The following PCA3 variants were observed in gnomAD, a reference collection of about 807,000 sequenced individuals.
PCA3 encodes prostate cancer associated 3, also known as Differential Display code 3.
intron 2 of PCA3, among the ~76,000 whole-genome samples, chr9:76,766,182 CA>C (rs35059224): frequency 0.12 from 13,722 of 112,304 alleles, 1,712 homozygotes; most frequent in African/African-American, 0.37. Flanking sequence ...GACTCTGCCT[CA>C]AAAAAAAAAA....
chr9:76,779,926 T>C (rs2054189368), intron 2 of PCA3: 1 of 152,228 alleles, frequency 6.6e-6, no homozygotes. Context: ...GCATAAGGGC[T>C]GCTGGTAAAA....
chr9:76,780,273 A>C (rs965937855), intron 2 of PCA3, among the ~76,000 whole-genome samples: 1 of 152,164 alleles, frequency 6.6e-6, no homozygotes, highest in Non-Finnish European at 1.5e-5. Flanking sequence ...GCACTCCCCC[A>C]ACAATTGAGA....
chr9:76,767,038 A>C (rs2052478758), intron 2 of PCA3, among the ~76,000 whole-genome samples: 1 of 152,168 alleles, frequency 6.6e-6, no homozygotes, highest in Admixed American at 6.5e-5. Flanking sequence ...TGTCTTATTC[A>C]CTGCTGTATT....
chr9:76,768,050 G>C (rs984743324), intron 2 of PCA3, among the ~76,000 whole-genome samples: 4 of 152,152 alleles, frequency 2.6e-5, no homozygotes, highest in African/African-American at 7.2e-5. Context: ...AGGTCAGAGG[G>C]AGTCCTGTCA....
At chr9:76,764,911 C>T (rs991215402) in intron 2 of PCA3, among the ~76,000 whole-genome samples, 1 of 152,098 alleles carries the variant, frequency 6.6e-6, no homozygotes, top group African/African-American at 2.4e-5. Flanking sequence ...CAGACTCTGG[C>T]ACATAGAAGA....
chr9:76,781,234 C>A (rs2054356575), intron 2 of PCA3, among the ~76,000 whole-genome samples: 1 of 152,156 alleles, frequency 6.6e-6, no homozygotes, highest in South Asian at 2.1e-4. Flanking sequence ...ACATCCCTAT[C>A]CTTTTTATAA....
intron 2 of PCA3, among the ~76,000 whole-genome samples, chr9:76,767,112 C>G (rs927476733): frequency 1.3e-5 from 2 of 152,154 alleles, no homozygotes; most frequent in Admixed American, 6.5e-5. Context: ...TAAACTCTCT[C>G]TCCTCTACTG....
intron 2 of PCA3, among the ~76,000 whole-genome samples, chr9:76,781,655 T>C (rs2054409052): frequency 6.6e-6 from 1 of 152,240 alleles, no homozygotes; most frequent in Non-Finnish European, 1.5e-5. Context: ...TACATTTATA[T>C]GCATGATTAC....
At chr9:76,771,944 C>T (rs565260833) in intron 2 of PCA3, among the ~76,000 whole-genome samples, 8 of 152,280 alleles carry the variant, frequency 5.3e-5, no homozygotes, top group African/African-American at 1.9e-4. Context: ...ACACTAATGG[C>T]GTGGGACTCA....
intron 2 of PCA3, among the ~76,000 whole-genome samples, chr9:76,768,509 C>A (rs1287919047): frequency 6.6e-6 from 1 of 151,680 alleles, no homozygotes; most frequent in Non-Finnish European, 1.5e-5. Context: ...CAACAACTAT[C>A]AAGTCTGTCT....
intron 2 of PCA3, among the ~76,000 whole-genome samples, chr9:76,765,912 G>A (rs1052374790): frequency 6.6e-6 from 1 of 152,146 alleles, no homozygotes; most frequent in Non-Finnish European, 1.5e-5. Flanking sequence ...GCCAGACGCG[G>A]TGGCTCACGC....
At chr9:76,781,869 G>C (rs1044429736) in intron 2 of PCA3, among the ~76,000 whole-genome samples, 2 of 152,174 alleles carry the variant, frequency 1.3e-5, no homozygotes, top group Admixed American at 1.3e-4. Context: ...AATGAATGGA[G>C]ATGTTGGAGT....
chr9:76,776,518 C>CTTTTTT (rs796197139), intron 2 of PCA3, among the ~76,000 whole-genome samples: 2 of 122,842 alleles, frequency 1.6e-5, no homozygotes, highest in African/African-American at 3.0e-5. Flanking sequence ...TTTCTTTTTT[C>CTTTTTT]TTTTTTTTTT....
chr9:76,780,286 T>G (rs1031254892), intron 2 of PCA3, among the ~76,000 whole-genome samples: 1 of 152,098 alleles, frequency 6.6e-6, no homozygotes, highest in Non-Finnish European at 1.5e-5. Flanking sequence ...AATTGAGAAT[T>G]GAACAAATTT....
intron 2 of PCA3, among the ~76,000 whole-genome samples, chr9:76,774,427 C>G (rs575105338): frequency 1.5e-5 from 2 of 135,786 alleles, no homozygotes; most frequent in African/African-American, 6.4e-5. Context: ...CATGAGCCAT[C>G]GTTCCTGGCC....
At chr9:76,776,941 C>CACACACAG (rs1564280230) in intron 2 of PCA3, among the ~76,000 whole-genome samples, 1 of 144,898 alleles carries the variant, frequency 6.9e-6, no homozygotes, top group Non-Finnish European at 1.5e-5. Flanking sequence ...CACACACACA[C>CACACACAG]ACACAAAGGG....
intron 2 of PCA3, among the ~76,000 whole-genome samples, chr9:76,774,468 T>TATTTATTTA (rs1564272983): frequency 2.8e-5 from 4 of 144,530 alleles, no homozygotes; most frequent in African/African-American, 1.0e-4. Flanking sequence ...TTTTTTTTTT[T>TATTTATTTA]TTTTTTTTTG....
At chr9:76,769,656 A>G (rs1211539939) in intron 2 of PCA3, among the ~76,000 whole-genome samples, 3 of 152,148 alleles carry the variant, frequency 2.0e-5, no homozygotes, top group Non-Finnish European at 4.4e-5. Flanking sequence ...AACTCCCGAC[A>G]TCAGGTGATC....
At chr9:76,780,692 A>AAAACAAAC (rs140032621) in intron 2 of PCA3, among the ~76,000 whole-genome samples, 73 of 152,072 alleles carry the variant, frequency 4.8e-4, no homozygotes, top group African/African-American at 1.5e-3. Flanking sequence ...CTCCGTCTCA[A>AAAACAAAC]AAACAAACAA....
Sources: allele counts gnomAD v4.1 joint callset (sites outside exome capture counted in the v4.1 genomes callset), GRCh38; gene constraint gnomAD v4.1.1; transcripts MANE v1.5; gene names NCBI Gene and HGNC (gene_info 2026-07-23, HGNC 2026-07-21).